The following SYMPK variants were observed in gnomAD, a reference collection of about 807,000 sequenced individuals.
SYMPK encodes the protein symplekin scaffold protein, also known as symplekin.
A neutral mutation model predicts 136.4 loss-of-function variants in SYMPK; 49 were observed. The observed-to-expected ratio is 0.36, with a 90% CI of 0.29 to 0.46. The LOEUF is 0.46. SYMPK is among the 20% of genes least tolerant of loss of function. The probability of loss-of-function intolerance (pLI) is 1.00; values close to 1 mark genes in which losing one functional copy is unlikely to be tolerated. For synonymous variants in SYMPK, 766 were observed against 713.0 expected, an observed-to-expected ratio of 1.07 and a Z score of -1.19; for missense variants, 1,365 against 1,690.0, an observed-to-expected ratio of 0.81 and a Z score of 3.37.
chr19:45,838,247 T>C (rs1038250805), intron 10 of SYMPK, among the ~76,000 whole-genome samples: 1 of 151,920 alleles, frequency 6.6e-6, no homozygotes, highest in East Asian at 1.9e-4. Flanking sequence ...TTCACTATGA[T>C]TGGAAGCTTC....
intron 22 of SYMPK, chr19:45,820,847 C>T (rs1473297780): frequency 4.7e-5 from 21 of 446,346 alleles, no homozygotes; most frequent in Admixed American, 8.0e-5. Context: ...CACCAAGTGG[C>T]GGACCAGCAG....
intron 22 of SYMPK, among the ~76,000 whole-genome samples, chr19:45,818,739 A>G (rs1970813758): frequency 6.6e-6 from 1 of 152,128 alleles, no homozygotes; most frequent in Non-Finnish European, 1.5e-5. Flanking sequence ...CCGACTCAAC[A>G]CCCAGTGCCA....
chr19:45,849,015 G>A, intron 5 of SYMPK, 139 bp from the exon 6 acceptor site: 2 of 1,012,554 alleles, frequency 2.0e-6, no homozygotes, highest in East Asian at 2.5e-5. Flanking sequence ...TGGGAACAGT[G>A]CTTGGTGCCT....
chr19:45,839,241 C>CG (rs1568618569), intron 9 of SYMPK, among the ~76,000 whole-genome samples: 1 of 152,126 alleles, frequency 6.6e-6, no homozygotes, highest in African/African-American at 2.4e-5. Flanking sequence ...AATGTACACT[C>CG]GGTACCTAAG....
intron 6 of SYMPK, 74 bp downstream of exon 6, chr19:45,848,676 T>C: frequency 1.9e-6 from 3 of 1,599,688 alleles, no homozygotes; most frequent in Non-Finnish European, 1.7e-6. Flanking sequence ...GATGCTGGTT[T>C]TGAACCCCAA....
chr19:45,844,880 T>C (rs749536826), intron 7 of SYMPK, among the ~76,000 whole-genome samples: 3 of 152,130 alleles, frequency 2.0e-5, no homozygotes, highest in Non-Finnish European at 2.9e-5. Context: ...GCCATATATA[T>C]GTTTTTAACT....
intron 5 of SYMPK, among the ~76,000 whole-genome samples, chr19:45,850,663 T>C (rs1019389016): frequency 6.6e-6 from 1 of 152,150 alleles, no homozygotes; most frequent in African/African-American, 2.4e-5. Flanking sequence ...TGGTGACTGT[T>C]ATGTTCAACT....
At chr19:45,854,636 T>C in intron 1 of SYMPK, 129 bp from the exon 2 acceptor site, 1 of 702,348 alleles carries the variant, frequency 1.4e-6, no homozygotes, top group Non-Finnish European at 2.5e-6. Context: ...CAGTCAGGCC[T>C]TCTCAAGTCC....
chr19:45,821,623 G>C lies in SYMPK; in HGVS notation c.2792-138C>G. ...CTTTCAGGGCTGGAACAGGGGAAGC[G>C]ACTGACAACATAAAAAGGGGACACC... On this transcript the variant is annotated intron_variant, in intron 21 of 26. Coordinates refer to ENST00000245934, the MANE Select transcript of SYMPK (RefSeq NM_004819.3). The surrounding 1 kb of genome is among the most constrained non-coding windows in gnomAD (Gnocchi z 4.4). The C allele has an allele frequency of 7.7e-6, 5 of 651,894 alleles. No homozygotes were observed. Among genetic ancestry groups the C allele is most frequent in the Middle Eastern group, 3.5e-4 (1 of 2,862 alleles). 40.4% of individuals were successfully genotyped at this position (651,894 alleles called of 1,614,324 possible).
intron 5 of SYMPK, among the ~76,000 whole-genome samples, chr19:45,850,140 G>T (rs554851136): frequency 2.0e-5 from 3 of 152,106 alleles, no homozygotes; most frequent in African/African-American, 7.2e-5. Context: ...AGATACTCGG[G>T]GGGGCTGAGG....
In SYMPK at chr19:45,831,537, A is replaced by C. The variant is rs758926588; in HGVS notation, c.1445T>G (p.Val482Gly). 1 of 1,610,998 alleles carries C rather than the reference A, an allele frequency of 6.2e-7. No individual in the cohort carries two copies. Among genetic ancestry groups the C allele is most frequent in the Non-Finnish European group, 8.5e-7 (1 of 1,179,066 alleles). Residue 482 changes from valine (V) to glycine (G), a missense_variant, in exon 12 of 27, where the codon GTG becomes GGG. By Grantham distance (109) the Val-to-Gly change is moderately radical. Coordinates refer to ENST00000245934, the MANE Select transcript of SYMPK (RefSeq NM_004819.3). ...CKEEPKEEKV[V>G]KTESVLIKRR... ...CTTGATCAGGACGCTCTCTGTCTTC[A>C]CCACCTTCTCCTCCTTGGGCTCCTC... is the stretch of plus-strand genomic sequence containing the variant.
chr19:45,837,802 G>A (rs528946704), intron 10 of SYMPK, among the ~76,000 whole-genome samples: 2 of 152,082 alleles, frequency 1.3e-5, no homozygotes, highest in African/African-American at 4.8e-5. Flanking sequence ...AAGAGGGCAA[G>A]GATTAGGGAG....
rs115454359 is a variant in SYMPK at position 45,816,701 on chromosome 19, G to A, written c.3258+97C>T. ...AGCAGTGCAGGGCCTTCTTGTGTCC[G>A]CCTCCATCCAGTCCCCACCAACCAG... is the stretch of plus-strand genomic sequence containing the variant. On this transcript the variant is annotated intron_variant, in intron 24 of 26. Transcript: ENST00000245934. The A allele has an allele frequency of 1.1e-3, 1,588 of 1,498,134 alleles. 14 individuals are homozygous for A. The African/African-American group carries it at 0.019, about 18-fold the overall frequency. 92.8% of individuals were successfully genotyped at this position (1,498,134 alleles called of 1,614,324 possible). A position where few individuals can be genotyped will look rare whatever the true frequency, so the allele number is the denominator to read the frequency against.
intron 1 of SYMPK, among the ~76,000 whole-genome samples, chr19:45,860,114 T>C (rs1043630935): frequency 6.7e-6 from 1 of 150,168 alleles, no homozygotes; most frequent in East Asian, 1.9e-4. Context: ...AGCATGAACC[T>C]GATGAACCTG....
chr19:45,827,055 C>A lies in SYMPK; in HGVS notation c.2181+455G>T, dbSNP rs183908770. Among the ~76,000 whole-genome samples the A allele has an allele frequency of 7.9e-5, 12 of 152,286 alleles. 1 individual carries two copies. The highest frequency in any genetic ancestry group is 6.5e-4 in the Admixed American group (10 of 15,298). ...GCCCACCCCACAACCAGATGGTCGG[C>A]CCCTCCCTCCCCAGGGCAGCCACAC... is the stretch of plus-strand genomic sequence containing the variant. On this transcript the variant is annotated intron_variant, in intron 16 of 26. Coordinates refer to ENST00000245934, the MANE Select transcript of SYMPK (RefSeq NM_004819.3).
chr19:45,851,082 C>T (rs1971686178), intron 5 of SYMPK, among the ~76,000 whole-genome samples: 1 of 152,064 alleles, frequency 6.6e-6, no homozygotes, highest in Non-Finnish European at 1.5e-5. Flanking sequence ...GTTTGGGTTT[C>T]CACCTAAGTA....
intron 8 of SYMPK, among the ~76,000 whole-genome samples, chr19:45,843,458 G>A (rs35572102): frequency 0.14 from 21,696 of 151,990 alleles, 1,634 homozygotes; most frequent in South Asian, 0.18. Context: ...TTGGTGGGGG[G>A]AGAGGACTGG....
At chr19:45,844,276 AAAGG>A (rs1971510851) in intron 7 of SYMPK, 76 bp from the exon 8 acceptor site, 1 of 1,263,114 alleles carries the variant, frequency 7.9e-7, no homozygotes, top group Non-Finnish European at 1.1e-6. Flanking sequence ...TTTGGGACTA[AAAGG>A]AAGGACAGAT....
At chr19:45,826,505 G>T in intron 16 of SYMPK, 132 bp from the exon 17 acceptor site, 2 of 951,584 alleles carry the variant, frequency 2.1e-6, no homozygotes, top group Non-Finnish European at 3.2e-6. Flanking sequence ...TGTTACCAGG[G>T]CCCAGGGCTG....
Sources: allele counts gnomAD v4.1 joint callset (sites outside exome capture counted in the v4.1 genomes callset), GRCh38; gene constraint gnomAD v4.1.1; non-coding constraint Gnocchi (gnomAD v3.1); transcripts MANE v1.5; gene names NCBI Gene and HGNC (gene_info 2026-07-23, HGNC 2026-07-21).